Variants in TTC7B observed in about 807,000 individuals in gnomAD.
TTC7B encodes tetratricopeptide repeat protein 7B.
Under a neutral mutation model 106.8 loss-of-function variants are expected in TTC7B, and 28 were observed. The observed-to-expected ratio is 0.26, with a 90% CI of 0.19 to 0.36. TTC7B has a LOEUF of 0.36. TTC7B is among the 10% of genes least tolerant of loss of function. The pLI is 1.00. For synonymous variants in TTC7B, 405 were observed against 430.6 expected, an observed-to-expected ratio of 0.94 and a Z score of 0.74; for missense variants, 862 against 1,076.4, an observed-to-expected ratio of 0.80 and a Z score of 2.79.
intron 3 of TTC7B, among the ~76,000 whole-genome samples, chr14:90,756,405 G>GT (rs1266666204): frequency 1.1e-4 from 11 of 97,146 alleles, no homozygotes; most frequent in African/African-American, 3.6e-4. Context: ...TTGTTTTTTT[G>GT]TTTTTTTGAG....
chr14:90,652,929 TG>T (rs772355297), intron 12 of TTC7B, 31 bp from the exon 13 acceptor site: 5 of 1,612,538 alleles, frequency 3.1e-6, no homozygotes, highest in Non-Finnish European at 4.2e-6. Context: ...GTCAGTGGCA[TG>T]GGGGATCAGG....
At chr14:90,756,072 T>A (rs948698749) in intron 3 of TTC7B, among the ~76,000 whole-genome samples, 8 of 152,214 alleles carry the variant, frequency 5.3e-5, no homozygotes, top group Non-Finnish European at 1.0e-4. Context: ...TACTAACACA[T>A]GATGCCTTGT....
At chr14:90,763,432 C>A (rs1047753961) in intron 3 of TTC7B, among the ~76,000 whole-genome samples, 6 of 152,154 alleles carry the variant, frequency 3.9e-5, no homozygotes, top group Admixed American at 2.6e-4. Flanking sequence ...TGGTGAAAAA[C>A]TGAAAGCTTT....
rs1891324070 is a variant in TTC7B at position 90,577,956 on chromosome 14, C to T, written c.2310+150G>A. ...GCATAAACTATGGTAGAAACGGTGC[C>T]CTCTGGCTTCAGGCCATGTGACAGC... On this transcript the variant is annotated intron_variant, in intron 19 of 19. Coordinates refer to ENST00000328459, the MANE Select transcript of TTC7B (RefSeq NM_001010854.2). The surrounding 1 kb of genome is among the most constrained non-coding windows in gnomAD (Gnocchi z 5.0). 3.1e-6 allele frequency: 3 copies of T among 981,010 alleles called. No homozygotes were observed. The highest frequency in any genetic ancestry group is 3.2e-5 in the South Asian group (2 of 62,556). 60.8% of individuals were successfully genotyped at this position (981,010 alleles called of 1,614,324 possible).
At chr14:90,780,433 G>A (rs370481340) in intron 3 of TTC7B, among the ~76,000 whole-genome samples, 10 of 119,928 alleles carry the variant, frequency 8.3e-5, no homozygotes, top group East Asian at 2.6e-4. Context: ...GAAAGAAAGA[G>A]AGAGAGAGAG....
At chr14:90,552,424 C>T (rs566499071) in intron 19 of TTC7B, among the ~76,000 whole-genome samples, 2 of 152,328 alleles carry the variant, frequency 1.3e-5, no homozygotes, top group African/African-American at 4.8e-5. Context: ...CCTGACAGCC[C>T]GTGCCCATCT....
chr14:90,779,083 C>A (rs1204412453), intron 3 of TTC7B, among the ~76,000 whole-genome samples: 1 of 152,180 alleles, frequency 6.6e-6, no homozygotes, highest in Non-Finnish European at 1.5e-5. Context: ...CTGCCAGCCA[C>A]AGTCAGTCAC....
chr14:90,736,113 A>T (rs1354905177), intron 4 of TTC7B, among the ~76,000 whole-genome samples: 3 of 152,032 alleles, frequency 2.0e-5, no homozygotes, highest in Non-Finnish European at 4.4e-5. Context: ...AAATTTGGAA[A>T]TTTGGGAAAT....
chr14:90,634,600 C>T (rs1884850948), intron 15 of TTC7B, among the ~76,000 whole-genome samples: 2 of 151,984 alleles, frequency 1.3e-5, no homozygotes, highest in Non-Finnish European at 2.9e-5. Context: ...GGCAAAACCC[C>T]GTCTATACTA....
chr14:90,627,732 T>A (rs1468175557), intron 15 of TTC7B, among the ~76,000 whole-genome samples: 1 of 152,208 alleles, frequency 6.6e-6, no homozygotes, highest in Non-Finnish European at 1.5e-5. Flanking sequence ...CAATCTGGAA[T>A]ACTCCCCCAT....
chr14:90,607,984 G>A (rs1313490331), intron 17 of TTC7B, among the ~76,000 whole-genome samples: 1 of 152,232 alleles, frequency 6.6e-6, no homozygotes, highest in Admixed American at 6.5e-5. Context: ...CTTCTCTACA[G>A]CACCTTGTGA....
chr14:90,803,719 C>T (rs528243834), intron 1 of TTC7B, among the ~76,000 whole-genome samples: 2 of 152,138 alleles, frequency 1.3e-5, no homozygotes, highest in South Asian at 2.1e-4. Context: ...ACACACACAG[C>T]GCAGAGGCTA....
intron 13 of TTC7B, among the ~76,000 whole-genome samples, chr14:90,650,445 G>A (rs965957279): frequency 6.6e-6 from 1 of 152,166 alleles, no homozygotes. Context: ...TTTTAGCACT[G>A]CAAGTCCCAT....
At chr14:90,739,675 T>C (rs1889682660) in intron 4 of TTC7B, among the ~76,000 whole-genome samples, 1 of 152,248 alleles carries the variant, frequency 6.6e-6, no homozygotes, top group Non-Finnish European at 1.5e-5. Flanking sequence ...GGGTACCCCA[T>C]AACTTAGCAT....
chr14:90,770,620 T>C (rs1890833392), intron 3 of TTC7B, among the ~76,000 whole-genome samples: 2 of 146,246 alleles, frequency 1.4e-5, no homozygotes, highest in African/African-American at 5.1e-5. Context: ...GCCATTGCAC[T>C]CCAGCCTGGG....
chr14:90,791,822 G>C (rs938006705), intron 1 of TTC7B, among the ~76,000 whole-genome samples: 5 of 151,830 alleles, frequency 3.3e-5, no homozygotes, highest in African/African-American at 1.2e-4. Context: ...CCAACACCAG[G>C]AGCTGCCACC....
Position 90,755,672 on chromosome 14 carries a change from A to C in TTC7B, c.446-10750T>G, listed in dbSNP as rs532146570. 1.7e-3 allele frequency among the ~76,000 whole-genome samples: 266 copies of C among 152,204 alleles called. 1 individual carries two copies. The highest frequency in any genetic ancestry group is 3.4e-3 in the Middle Eastern group (1 of 294). On this transcript the variant is annotated intron_variant, in intron 3 of 19. Coordinates refer to ENST00000328459, the MANE Select transcript of TTC7B (RefSeq NM_001010854.2). ...AGACCCTGTCACTAAAAAAAACAAA[A>C]AAACAAACAAACAAAAAAAAAAAAC...
intron 5 of TTC7B, among the ~76,000 whole-genome samples, chr14:90,711,721 TG>T (rs1888456156): frequency 6.6e-6 from 1 of 152,122 alleles, no homozygotes; most frequent in South Asian, 2.1e-4. Flanking sequence ...TGTGCCCAGC[TG>T]AAAACAGAAA....
Position 90,657,985 on chromosome 14 carries a change from G to C in TTC7B, c.1236+319C>G. On this transcript the variant is annotated intron_variant, in intron 10 of 19. Coordinates refer to ENST00000328459, the MANE Select transcript of TTC7B (RefSeq NM_001010854.2). This position sits in a 1 kb window ranked among gnomAD's most constrained non-coding sequence, Gnocchi z 4.2. ...GATAACCAACAGGTTTCCCCTCCAG[G>C]AATCAGCTTAACTCTCAGATGAGTG... is the stretch of plus-strand genomic sequence containing the variant. 1 of 339,654 alleles carries C rather than the reference G, an allele frequency of 2.9e-6. No homozygotes were observed. Among genetic ancestry groups the C allele is most frequent in the Non-Finnish European group, 5.6e-6 (1 of 178,636 alleles). The allele number at this position is 339,654 out of a possible 1,614,324, so 21.0% of individuals were successfully genotyped here. A position where few individuals can be genotyped will look rare whatever the true frequency, so the allele number is the denominator to read the frequency against.
Sources: allele counts gnomAD v4.1 joint callset (sites outside exome capture counted in the v4.1 genomes callset), GRCh38; gene constraint gnomAD v4.1.1; non-coding constraint Gnocchi (gnomAD v3.1); transcripts MANE v1.5; gene names NCBI Gene and HGNC (gene_info 2026-07-23, HGNC 2026-07-21).